TRAPPC3: variants seen among roughly 807,000 people sequenced by gnomAD.
The protein encoded by TRAPPC3 is trafficking protein particle complex subunit 3.
Under a neutral mutation model 18.2 loss-of-function variants are expected in TRAPPC3, and 5 were observed. That is an observed-to-expected ratio of 0.28 (90% confidence interval 0.14 to 0.58). The LOEUF (loss-of-function observed/expected upper bound fraction) is 0.58, where lower values mean the gene tolerates loss of function less well. Among genes scored for constraint, TRAPPC3 ranks in the 20% least tolerant of loss-of-function variants. TRAPPC3 has a pLI of 0.91. For missense variants in TRAPPC3, 176 were observed against 225.9 expected, an observed-to-expected ratio of 0.78 and a Z score of 1.41; for synonymous variants, 65 against 84.2, an observed-to-expected ratio of 0.77 and a Z score of 1.25.
intron 3 of TRAPPC3, among the ~76,000 whole-genome samples, chr1:36,138,412 A>T (rs969484820): frequency 2.0e-5 from 3 of 152,120 alleles, no homozygotes; most frequent in Non-Finnish European, 4.4e-5. Flanking sequence ...ATTACTGGGC[A>T]GAGAAAAAGT....
chr1:36,150,307 C>T (rs1401905177), upstream of TRAPPC3, among the ~76,000 whole-genome samples: 4 of 152,260 alleles, frequency 2.6e-5, no homozygotes, highest in African/African-American at 9.6e-5. Context: ...TCCAGCCACC[C>T]TCCAAAAACA....
At chr1:36,147,541 G>A (rs896035924) in intron 1 of TRAPPC3, among the ~76,000 whole-genome samples, 1 of 152,086 alleles carries the variant, frequency 6.6e-6, no homozygotes, top group African/African-American at 2.4e-5. Flanking sequence ...CTACTTGGGA[G>A]GCTGAGGCGG....
In TRAPPC3 at chr1:36,149,415, G is replaced by C; in HGVS notation, c.-37C>G. ...CCCCGCCCCACTCGCCTAGCCACGG[G>C]TTAGCTCGGCGACCCCTGCAGACGC... is the stretch of plus-strand genomic sequence containing the variant. On this transcript the variant is annotated 5_prime_UTR_variant, in exon 1 of 5. Transcript: ENST00000373166. The C allele has an allele frequency of 6.2e-7, 1 of 1,610,444 alleles. No individual in the cohort carries two copies. Among genetic ancestry groups the C allele is most frequent in the Non-Finnish European group, 8.5e-7 (1 of 1,179,098 alleles).
upstream of TRAPPC3, among the ~76,000 whole-genome samples, chr1:36,151,245 G>GAGCACAGTGGCTCATGCC (rs1553182093): frequency 4.6e-5 from 7 of 152,058 alleles, no homozygotes; most frequent in Admixed American, 6.5e-5. Context: ...TTCTTAGGCC[G>GAGCACAGTGGCTCATGCC]AGCACAGTGG....
rs58611478 is a variant in TRAPPC3 at position 36,146,592 on chromosome 1, T to TAA, written c.42+2743_42+2744dup. 8.0e-3 allele frequency among the ~76,000 whole-genome samples: 667 copies of TAA among 82,954 alleles called. 12 individuals carry two copies. Among genetic ancestry groups the TAA allele is most frequent in the South Asian group, 0.054 (121 of 2,222 alleles). The allele number at this position is 82,954 out of a possible 152,430, so 54.4% of individuals were successfully genotyped here. On this transcript the variant is annotated intron_variant, in intron 1 of 4. Coordinates refer to ENST00000373166, the MANE Select transcript of TRAPPC3 (RefSeq NM_014408.5). ...AGCCACCGCACCCAGCCTACTTCAT[T>TAA]AAAAAAAAAAAAAAAAAAAAAAAAG...
chr1:36,139,581 G>A, intron 3 of TRAPPC3, 139 bp downstream of exon 3: 1 of 1,106,484 alleles, frequency 9.0e-7, no homozygotes, highest in Non-Finnish European at 1.3e-6. Flanking sequence ...TAACGACCTG[G>A]AATGTTTTTT....
upstream of TRAPPC3, among the ~76,000 whole-genome samples, chr1:36,151,245 G>T (rs1553182092): frequency 6.6e-6 from 1 of 152,058 alleles, no homozygotes; most frequent in Non-Finnish European, 1.5e-5. Context: ...TTCTTAGGCC[G>T]AGCACAGTGG....
chr1:36,153,654 G>A (rs561114949), upstream of TRAPPC3, among the ~76,000 whole-genome samples: 8 of 152,262 alleles, frequency 5.3e-5, no homozygotes, highest in African/African-American at 1.9e-4. Flanking sequence ...TGGCTTCTAC[G>A]CGGTAGCTGC....
chr1:36,148,270 G>C (rs1012902985), intron 1 of TRAPPC3, among the ~76,000 whole-genome samples: 12 of 152,216 alleles, frequency 7.9e-5, no homozygotes, highest in Non-Finnish European at 1.5e-4. Flanking sequence ...GACCAGGCTG[G>C]CCAACATGGT....
In TRAPPC3 at chr1:36,140,116, A is replaced by AGCTGGGTGAC; in HGVS notation, c.92_93insGTCACCCAGC (p.Cys31TrpfsTer5). The AGCTGGGTGAC allele has an allele frequency of 6.2e-7, 1 of 1,605,368 alleles. No homozygotes were observed. Among genetic ancestry groups the AGCTGGGTGAC allele is most frequent in the Non-Finnish European group, 8.5e-7 (1 of 1,177,588 alleles). On this transcript the variant is annotated frameshift_variant, in exon 2 of 5. Coordinates refer to ENST00000373166, the MANE Select transcript of TRAPPC3 (RefSeq NM_014408.5). LOFTEE classifies it high-confidence loss of function. The stretch of plus-strand genomic sequence containing the variant: ...CATCTTCATCATTTTCATAGTCCTT[A>AGCTGGGTGAC]CATAGCTGGGTGACCAGGGCACCAT...
chr1:36,156,030 GCGGCGCGAA>G (rs1170256396), exon 1 of TRAPPC3: 4 of 187,186 alleles, frequency 2.1e-5, no homozygotes, highest in South Asian at 1.7e-4. Flanking sequence ...CGGGGCGGGG[GCGGCGCGAA>G]CGGCGCGGAC....
intron 1 of TRAPPC3, among the ~76,000 whole-genome samples, chr1:36,154,766 T>C (rs1424801756): frequency 6.6e-6 from 1 of 152,236 alleles, no homozygotes; most frequent in Non-Finnish European, 1.5e-5. Flanking sequence ...CTCATGGCAC[T>C]ACTATTTTTC....
intron 1 of TRAPPC3, among the ~76,000 whole-genome samples, chr1:36,143,828 T>C (rs749821189): frequency 8.5e-5 from 13 of 152,240 alleles, no homozygotes; most frequent in Non-Finnish European, 1.9e-4. Context: ...TCCTGAACAT[T>C]AGTTTTTCCC....
Position 36,138,192 on chromosome 1 carries a change from C to T in TRAPPC3, c.241-214G>A, listed in dbSNP as rs1468298867. ...CACGGCATCATACAGTTTTGCCTGT[C>T]GCTTTGTTTTGTTTTGTTTTCCCAG... On this transcript the variant is annotated intron_variant, in intron 3 of 4. Coordinates refer to ENST00000373166, the MANE Select transcript of TRAPPC3 (RefSeq NM_014408.5). 9.7e-6 allele frequency: 15 copies of T among 1,549,570 alleles called. No homozygotes were observed. In the African/African-American group the frequency reaches 1.2e-4, roughly 13 times the overall value.
chr1:36,142,694 G>T (rs148056575), intron 1 of TRAPPC3, among the ~76,000 whole-genome samples: 1 of 152,280 alleles, frequency 6.6e-6, no homozygotes, highest in East Asian at 1.9e-4. Context: ...GTGGAACTGT[G>T]AGTGACATAA....
chr1:36,151,685 C>T (rs1453644750), upstream of TRAPPC3, among the ~76,000 whole-genome samples: 1 of 152,134 alleles, frequency 6.6e-6, no homozygotes, highest in African/African-American at 2.4e-5. Flanking sequence ...CCATCATTCC[C>T]AAATCCCAAC....
chr1:36,143,974 A>G (rs2124158104), intron 1 of TRAPPC3, among the ~76,000 whole-genome samples: 1 of 152,270 alleles, frequency 6.6e-6, no homozygotes, highest in South Asian at 2.1e-4. Context: ...TTTTATTCTT[A>G]AACTGGTTCC....
upstream of TRAPPC3, among the ~76,000 whole-genome samples, chr1:36,149,902 C>G (rs1463513639): frequency 6.6e-6 from 1 of 152,266 alleles, no homozygotes; most frequent in Non-Finnish European, 1.5e-5. Context: ...AGAAAACTAG[C>G]AATGACTCAC....
chr1:36,138,388 G>C (rs1331562458), intron 3 of TRAPPC3, among the ~76,000 whole-genome samples: 2 of 152,078 alleles, frequency 1.3e-5, no homozygotes, highest in African/African-American at 4.8e-5. Flanking sequence ...GCACCTTCTT[G>C]AAAGTGAATA....
Sources: allele counts gnomAD v4.1 joint callset (sites outside exome capture counted in the v4.1 genomes callset), GRCh38; gene constraint gnomAD v4.1.1; transcripts MANE v1.5; gene names NCBI Gene and HGNC (gene_info 2026-07-23, HGNC 2026-07-21).